The following MTMR10 variants were observed in gnomAD, a reference collection of about 807,000 sequenced individuals.
The protein encoded by MTMR10 is myotubularin-related protein 10.
Under a neutral mutation model 88.1 loss-of-function variants are expected in MTMR10, and 56 were observed. That is an observed-to-expected ratio of 0.64 (90% CI 0.51 to 0.79). MTMR10 has a LOEUF of 0.79. MTMR10 is among the 30% of genes least tolerant of loss of function. MTMR10 has a pLI of 0.00. For synonymous variants in MTMR10, 380 were observed against 340.9 expected (o/e 1.11, Z -1.26); for missense variants, 883 against 924.7 (o/e 0.95, Z 0.58).
At chr15:30,980,075 A>C (rs990365652) in intron 2 of MTMR10, among the ~76,000 whole-genome samples, 1 of 152,242 alleles carries the variant, frequency 6.6e-6, no homozygotes, top group East Asian at 1.9e-4. Flanking sequence ...TAGTTACTGA[A>C]GCGACAACTC....
chr15:30,928,607 A>G, the MTMR10 span: 4 of 1,613,176 alleles, frequency 2.5e-6, no homozygotes, highest in South Asian at 1.1e-5. Context: ...CTCCTGTGGG[A>G]CATCATCTTC....
rs1187676121 is a variant in MTMR10, at chr15:30,939,339, G to A, written c.*2131C>T. On this transcript the variant is annotated 3_prime_UTR_variant, in exon 16 of 16. Coordinates refer to ENST00000435680, the MANE Select transcript of MTMR10 (RefSeq NM_017762.3). ...TTCCCTCAGCACGGGCTCTGCTGGC[G>A]GGCAGCAGGGGTGCTGAGCTCTCTC... 14 of 985,318 alleles carry A rather than the reference G, an allele frequency of 1.4e-5. No individual in the cohort carries two copies. Among genetic ancestry groups the A allele is most frequent in the Admixed American group, 6.1e-5 (1 of 16,270 alleles). 61.0% of individuals were successfully genotyped at this position (985,318 alleles called of 1,614,324 possible).
Position 30,974,452 on chromosome 15 carries a change from G to GTTT in MTMR10, c.333_335dup (p.Val111_Asn112insLys). 1 of 1,509,996 alleles carries GTTT rather than the reference G, an allele frequency of 6.6e-7. No homozygotes were observed. The highest frequency in any genetic ancestry group is 8.9e-7 in the Non-Finnish European group (1 of 1,127,180). The allele number at this position is 1,509,996 out of a possible 1,614,324, so 93.5% of individuals were successfully genotyped here. A position where few individuals can be genotyped will look rare whatever the true frequency, so the allele number is the denominator to read the frequency against. On this transcript the variant is annotated inframe_insertion, in exon 5 of 16. Transcript: ENST00000435680. ...GGACTTTCTGCTTCCTCTTGTGGTC[G>GTTT]TTTACTAAAAAAGAAAAAAAAATAG...
At position 30,940,080 on chromosome 15, in the gene MTMR10, C is replaced by G; in HGVS notation, c.*1390G>C. ...CACTTGTTTTAGAAAAGGAAATAAG[C>G]TAACTAGACACTTTACTATAAAAAT... On this transcript the variant is annotated 3_prime_UTR_variant, in exon 16 of 16. Coordinates refer to ENST00000435680, the MANE Select transcript of MTMR10 (RefSeq NM_017762.3). The G allele has an allele frequency of 1.0e-6, 1 of 983,322 alleles. No individual in the cohort carries two copies. The highest frequency in any genetic ancestry group is 1.2e-6 in the Non-Finnish European group (1 of 828,016). 60.9% of individuals were successfully genotyped at this position (983,322 alleles called of 1,614,324 possible).
At chr15:30,942,216 T>C in intron 15 of MTMR10, 144 bp from the exon 16 acceptor site, 1 of 1,015,170 alleles carries the variant, frequency 9.9e-7, no homozygotes, top group Non-Finnish European at 1.4e-6. Context: ...CTTTGTGTCC[T>C]TATTCTAATC....
At chr15:30,979,475 G>T (rs1411382546) in intron 2 of MTMR10, among the ~76,000 whole-genome samples, 1 of 152,140 alleles carries the variant, frequency 6.6e-6, no homozygotes, top group Non-Finnish European at 1.5e-5. Flanking sequence ...CTACTTGGGA[G>T]GCTGAGGCAG....
chr15:30,970,690 C>T (rs577839505), intron 5 of MTMR10, among the ~76,000 whole-genome samples: 2 of 152,274 alleles, frequency 1.3e-5, no homozygotes, highest in African/African-American at 4.8e-5. Context: ...TGATCATGGA[C>T]ATCCTTTTTT....
At chr15:30,979,998 T>C (rs965713383) in intron 2 of MTMR10, among the ~76,000 whole-genome samples, 1 of 152,262 alleles carries the variant, frequency 6.6e-6, no homozygotes, top group Non-Finnish European at 1.5e-5. Flanking sequence ...AAATACCTTA[T>C]GGTCCGCAAA....
intron 2 of MTMR10, among the ~76,000 whole-genome samples, chr15:30,984,774 C>G (rs2030833071): frequency 6.6e-6 from 1 of 152,184 alleles, no homozygotes; most frequent in African/African-American, 2.4e-5. Flanking sequence ...TAGATGCGAA[C>G]AGGGAAAGAA....
intron 5 of MTMR10, among the ~76,000 whole-genome samples, chr15:30,973,957 A>G (rs2029910717): frequency 6.6e-6 from 1 of 152,202 alleles, no homozygotes; most frequent in African/African-American, 2.4e-5. Flanking sequence ...AAAGTTCTGC[A>G]GTACTGAATT....
In MTMR10 at chr15:30,954,895, T is replaced by C; in HGVS notation, c.936-2A>G. Reference sequence around the variant, plus strand: ...CTTTTAGTTATTGCATTACAAATCCTAATAAAGACAAAAATACTTTAGTCA... The same window carrying C: ...CTTTTAGTTATTGCATTACAAATCCCAATAAAGACAAAAATACTTTAGTCA... On this transcript the variant is annotated splice_acceptor_variant, in intron 9 of 15. Coordinates refer to ENST00000435680, the MANE Select transcript of MTMR10 (RefSeq NM_017762.3). LOFTEE classifies it high-confidence loss of function. 1 of 1,540,846 alleles carries C rather than the reference T, an allele frequency of 6.5e-7. No individual in the cohort carries two copies. Among genetic ancestry groups the C allele is most frequent in the Non-Finnish European group, 8.8e-7 (1 of 1,142,100 alleles).
chr15:30,937,801 T>C (rs530920550), downstream of MTMR10, among the ~76,000 whole-genome samples: 10 of 152,102 alleles, frequency 6.6e-5, no homozygotes, highest in South Asian at 2.1e-3. Flanking sequence ...TTGACCATTA[T>C]TGGAGCTGGA....
chr15:30,984,507 G>C (rs2030809704), intron 2 of MTMR10, among the ~76,000 whole-genome samples: 1 of 152,172 alleles, frequency 6.6e-6, no homozygotes, highest in African/African-American at 2.4e-5. Context: ...TAAAACACTT[G>C]AAAGATAAAG....
rs142607044 is a variant in MTMR10 at position 30,971,162 on chromosome 15, T to C, written c.474+3152A>G. ...AAATTCCTACCTTTCATCCTAAGAG[T>C]TTTTGAAAGATCTGAAATACTTCAT... On this transcript the variant is annotated intron_variant, in intron 5 of 15. Transcript: ENST00000435680. Among the ~76,000 whole-genome samples the C allele has an allele frequency of 5.0e-3, 768 of 152,104 alleles. 6 individuals are homozygous for C. The highest frequency in any genetic ancestry group is 0.018 in the African/African-American group (731 of 41,500).
At chr15:30,929,806 A>ATATC in the MTMR10 span, among the ~76,000 whole-genome samples, 1 of 60,624 alleles carries the variant, frequency 1.6e-5, no homozygotes, top group African/African-American at 8.8e-5. Context: ...TAATATATAA[A>ATATC]ATATATAATA....
rs1566940608 is a variant in MTMR10, at chr15:30,940,441, G to C, written c.*1029C>G. 9 of 985,226 alleles carry C rather than the reference G, an allele frequency of 9.1e-6. No homozygotes were observed. The highest frequency in any genetic ancestry group is 9.6e-6 in the Non-Finnish European group (8 of 829,940). 61.0% of individuals were successfully genotyped at this position (985,226 alleles called of 1,614,324 possible). A position where few individuals can be genotyped will look rare whatever the true frequency, so the allele number is the denominator to read the frequency against. On this transcript the variant is annotated 3_prime_UTR_variant, in exon 16 of 16. Coordinates refer to ENST00000435680, the MANE Select transcript of MTMR10 (RefSeq NM_017762.3). ...TTTCTCCTCTATTCCTAAGCATTAG[G>C]AACTATGAGAGAAGGACATCTGTGC...
chr15:30,957,364 G>A (rs145259075), intron 9 of MTMR10, among the ~76,000 whole-genome samples: 1 of 152,272 alleles, frequency 6.6e-6, no homozygotes. Context: ...GACTTTTGAG[G>A]TCTGATCAAA....
chr15:30,951,849 G>A, intron 12 of MTMR10, 119 bp downstream of exon 12: 2 of 813,084 alleles, frequency 2.5e-6, no homozygotes, highest in East Asian at 2.5e-5. Context: ...TGTATTTGAT[G>A]GTACTGTAGT....
At chr15:30,984,723 T>C (rs2030827009) in intron 2 of MTMR10, among the ~76,000 whole-genome samples, 1 of 152,194 alleles carries the variant, frequency 6.6e-6, no homozygotes, top group Non-Finnish European at 1.5e-5. Context: ...GCATTCATTA[T>C]CTAATAGTTA....
Sources: allele counts gnomAD v4.1 joint callset (sites outside exome capture counted in the v4.1 genomes callset), GRCh38; gene constraint gnomAD v4.1.1; transcripts MANE v1.5; gene names NCBI Gene and HGNC (gene_info 2026-07-23, HGNC 2026-07-21).